Variants in WASHC2A observed in about 807,000 individuals in gnomAD.
WASHC2A encodes WASH complex subunit 2A.
In WASHC2A, 82 loss-of-function variants were observed where a neutral mutation model predicts 140.3. The ratio of observed to expected loss-of-function variants is 0.58; its 90% CI spans 0.49 to 0.70. The LOEUF is 0.70. WASHC2A is among the 30% of genes least tolerant of loss of function. The pLI, the probability that WASHC2A is intolerant of heterozygous loss-of-function variation, is 0.00. For missense variants in WASHC2A, 985 were observed against 1,521.8 expected, an observed-to-expected ratio of 0.65 and a Z score of 5.87; for synonymous variants, 340 against 560.8, an observed-to-expected ratio of 0.61 and a Z score of 5.56.
intron 5 of WASHC2A, 37 bp from the exon 6 acceptor site, chr10:50,084,035 G>A: frequency 6.2e-7 from 1 of 1,609,312 alleles, no homozygotes; most frequent in South Asian, 1.1e-5. Flanking sequence ...GTTTTCAACT[G>A]AAATGTTTGA....
intron 7 of WASHC2A, 36 bp from the exon 8 acceptor site, chr10:50,087,239 C>G: frequency 6.2e-7 from 1 of 1,613,628 alleles, no homozygotes; most frequent in Non-Finnish European, 8.5e-7. Context: ...CTAAGTAAAG[C>G]CCATTTAACA....
chr10:50,103,858 A>G (rs1442633804), intron 17 of WASHC2A, among the ~76,000 whole-genome samples, 184 bp from the exon 18 acceptor site: 2 of 152,084 alleles, frequency 1.3e-5, no homozygotes, highest in African/African-American at 4.8e-5. Context: ...GTGCCACTGC[A>G]CACACCCTGC....
intron 10 of WASHC2A, 142 bp from the exon 11 acceptor site, chr10:50,092,020 T>C (rs1839980255): frequency 1.3e-6 from 2 of 1,589,314 alleles, no homozygotes; most frequent in Non-Finnish European, 1.7e-6. Flanking sequence ...GCCAGGGGGT[T>C]CAGTGCTCTG....
At chr10:50,095,406 T>G (rs1222227395) in intron 14 of WASHC2A, among the ~76,000 whole-genome samples, 193 bp from the exon 15 acceptor site, 5 of 152,216 alleles carry the variant, frequency 3.3e-5, no homozygotes, top group Admixed American at 1.3e-4. Context: ...GACTTTTTTG[T>G]GTTTGAGCTG....
intron 11 of WASHC2A, among the ~76,000 whole-genome samples, chr10:50,092,632 A>C (rs1311805465): frequency 6.6e-6 from 1 of 151,872 alleles, no homozygotes; most frequent in African/African-American, 2.4e-5. Context: ...ATTCCAGCCC[A>C]GGTGATGGTG....
intron 21 of WASHC2A, among the ~76,000 whole-genome samples, chr10:50,116,403 C>T (rs1444000616): frequency 2.2e-5 from 2 of 92,928 alleles, no homozygotes; most frequent in Non-Finnish European, 4.4e-5. Context: ...CAAGCTCCGC[C>T]TCCCGGGTTC....
intron 23 of WASHC2A, among the ~76,000 whole-genome samples, chr10:50,120,600 C>T (rs1242947380): frequency 1.2e-5 from 1 of 80,808 alleles, no homozygotes; most frequent in East Asian, 4.5e-4. Flanking sequence ...AGTGTGGCAA[C>T]AGAACGAGAC....
chr10:50,114,628 C>T (rs1338411476), intron 21 of WASHC2A, among the ~76,000 whole-genome samples: 4 of 101,040 alleles, frequency 4.0e-5, no homozygotes, highest in Non-Finnish European at 8.1e-5. Context: ...CTGAAAGCAT[C>T]GATAGCACAT....
Position 50,131,067 on chromosome 10 carries a change from A to T in WASHC2A, c.3875A>T (p.Asp1292Val). Residue 1292 changes from aspartate to valine, a missense_variant, in exon 30 of 31, where the codon GAT (aspartate) becomes GTT (valine). Asp to Val is a radical substitution (Grantham distance 152). Coordinates refer to ENST00000282633, the MANE Select transcript of WASHC2A (RefSeq NM_001005751.3). ...AAAGTGGAAGCCAAGTCTATATTTGATGATGATATGGGTAAGTTTGGTTTT... is the reference window on the plus strand; with the variant it reads ...AAAGTGGAAGCCAAGTCTATATTTGTTGATGATATGGGTAAGTTTGGTTTT... ...KKKVEAKSIF[D>V]DDMDDIFSSG... is the part of the protein sequence containing the mutation. The T allele has an allele frequency of 6.2e-7, 1 of 1,611,886 alleles. No individual in the cohort carries two copies. Among genetic ancestry groups the T allele is most frequent in the Non-Finnish European group, 8.5e-7 (1 of 1,179,798 alleles).
At chr10:50,090,515 A>AAAAATATATAT (rs1214596899) in intron 8 of WASHC2A, among the ~76,000 whole-genome samples, 40 of 108,730 alleles carry the variant, frequency 3.7e-4, no homozygotes, top group African/African-American at 1.3e-3. Flanking sequence ...AAAAAAAAAA[A>AAAAATATATAT]ATATATATAT....
intron 20 of WASHC2A, among the ~76,000 whole-genome samples, 187 bp from the exon 21 acceptor site, chr10:50,113,708 A>C (rs1842470724): frequency 7.5e-6 from 1 of 133,006 alleles, no homozygotes; most frequent in South Asian, 2.8e-4. Flanking sequence ...GATTTGTTGG[A>C]GTCAGATTTC....
chr10:50,072,974 T>C (rs1837998648), intron 3 of WASHC2A, among the ~76,000 whole-genome samples: 1 of 152,164 alleles, frequency 6.6e-6, no homozygotes, highest in Non-Finnish European at 1.5e-5. Context: ...ATTATAAAGT[T>C]AGTGAAACAA....
At chr10:50,068,052 G>T in intron 1 of WASHC2A, 44 bp downstream of exon 1, 1 of 1,607,856 alleles carries the variant, frequency 6.2e-7, no homozygotes, top group Non-Finnish European at 8.5e-7. Context: ...GGCTGGGGCC[G>T]CCGTCCCTGC....
rs1431574127 is a variant in WASHC2A at position 50,133,256 on chromosome 10, A to C, written c.*311A>C. ...AAATCTCTTTGTGGCTTTCATGGGCAGGGAATCCCAGAGATAGCAAATGCC... is the reference window on the plus strand; with the variant it reads ...AAATCTCTTTGTGGCTTTCATGGGCCGGGAATCCCAGAGATAGCAAATGCC... On this transcript the variant is annotated 3_prime_UTR_variant, in exon 31 of 31. Coordinates refer to ENST00000282633, the MANE Select transcript of WASHC2A (RefSeq NM_001005751.3). 1 of 572,618 alleles carries C rather than the reference A, an allele frequency of 1.7e-6. No homozygotes were observed. Among genetic ancestry groups the C allele is most frequent in the Non-Finnish European group, 3.2e-6 (1 of 309,556 alleles). The allele number at this position is 572,618 out of a possible 1,614,324, so 35.5% of individuals were successfully genotyped here.
At chr10:50,085,710 T>TC (rs1367870429) in intron 7 of WASHC2A, 152 bp downstream of exon 7, 96 of 117,296 alleles carry the variant, frequency 8.2e-4, no homozygotes, top group Middle Eastern at 8.0e-3. Context: ...GAGTTTTTTT[T>TC]CCCAAGGGTT....
chr10:50,084,293 C>T, intron 6 of WASHC2A, 128 bp downstream of exon 6: 2 of 874,352 alleles, frequency 2.3e-6, no homozygotes, highest in Non-Finnish European at 3.5e-6. Flanking sequence ...CTGGGTTTAC[C>T]AGTTAACATT....
At position 50,127,813 on chromosome 10, in the gene WASHC2A, G is replaced by T. The variant is rs1343486292; in HGVS notation, c.3087+18G>T. On this transcript the variant is annotated intron_variant, in intron 28 of 30. Coordinates refer to ENST00000282633, the MANE Select transcript of WASHC2A (RefSeq NM_001005751.3). ...CAAACAAGGTGATGAAACCATCTTT[G>T]CTTCCTTGCTCTCTTCTTTTAACCA... 4 of 1,254,122 alleles carry T rather than the reference G, an allele frequency of 3.2e-6. No homozygotes were observed. Among genetic ancestry groups the T allele is most frequent in the Admixed American group, 2.0e-5 (1 of 49,792 alleles). 77.7% of individuals were successfully genotyped at this position (1,254,122 alleles called of 1,614,324 possible).
At chr10:50,109,959 A>T in intron 19 of WASHC2A, 142 bp from the exon 20 acceptor site, 2 of 1,119,830 alleles carry the variant, frequency 1.8e-6, no homozygotes, top group Non-Finnish European at 2.5e-6. Context: ...TTTAGTAGAG[A>T]CGGGGTTTCA....
Position 50,078,600 on chromosome 10 carries a change from G to A in WASHC2A, c.292-75G>A, listed in dbSNP as rs1247087082. On this transcript the variant is annotated intron_variant, in intron 3 of 30. Coordinates refer to ENST00000282633, the MANE Select transcript of WASHC2A (RefSeq NM_001005751.3). The stretch of plus-strand genomic sequence containing the variant: ...TTCCCCATCTTTGTCCTTAGTTACT[G>A]TGTGAATTCTTATATTGTGATTTAT... 101 of 1,611,428 alleles carry A rather than the reference G, an allele frequency of 6.3e-5. 1 individual carries two copies. The highest frequency in any genetic ancestry group is 8.0e-5 in the Non-Finnish European group (94 of 1,179,676).
Sources: gnomAD v4.1 joint callset for allele counts (sites outside exome capture counted in the v4.1 genomes callset) on GRCh38, gnomAD v4.1.1 for gene constraint, MANE v1.5 for transcripts, NCBI Gene and HGNC (gene_info 2026-07-23, HGNC 2026-07-21) for gene names.